IGBP1C: variants seen among roughly 807,000 people sequenced by gnomAD.
The protein encoded by IGBP1C is IGBP1 family member C.
the IGBP1C span, among the ~76,000 whole-genome samples, chr17:58,670,387 A>G: frequency 6.6e-6 from 1 of 152,092 alleles, no homozygotes; most frequent in Non-Finnish European, 1.5e-5. Flanking sequence ...TGTGATAGAA[A>G]AGGAGTGTGA....
At chr17:58,668,798 G>C in the IGBP1C span, among the ~76,000 whole-genome samples, 2 of 152,142 alleles carry the variant, frequency 1.3e-5, no homozygotes, top group Non-Finnish European at 2.9e-5. Flanking sequence ...CGAGGTAACT[G>C]GCCCAAGGGC....
At chr17:58,671,506 C>T in the IGBP1C span, among the ~76,000 whole-genome samples, 1 of 152,126 alleles carries the variant, frequency 6.6e-6, no homozygotes, top group African/African-American at 2.4e-5. Context: ...CTCCTGGGGT[C>T]GCAGCTTTAT....
chr17:58,666,515 C>T, the IGBP1C span: 8 of 117,616 alleles, frequency 6.8e-5, no homozygotes, highest in Non-Finnish European at 1.7e-5. Context: ...ACTAACAAAA[C>T]TTGCATTTCA....
At chr17:58,671,534 T>G in the IGBP1C span, among the ~76,000 whole-genome samples, 1 of 152,074 alleles carries the variant, frequency 6.6e-6, no homozygotes, top group African/African-American at 2.4e-5. Context: ...GGAGGGACTC[T>G]CTAGTCAGAC....
chr17:58,687,542 G>T, the IGBP1C span, among the ~76,000 whole-genome samples: 6 of 151,942 alleles, frequency 3.9e-5, no homozygotes, highest in Non-Finnish European at 8.8e-5. Flanking sequence ...CACCATGTTG[G>T]CCAGGCTGGT....
At chr17:58,666,131 A>G in the IGBP1C span, among the ~76,000 whole-genome samples, 1 of 152,022 alleles carries the variant, frequency 6.6e-6, no homozygotes, top group Non-Finnish European at 1.5e-5. Context: ...TCACTTGAGG[A>G]CAAGAGTTCG....
At chr17:58,686,860 CCTTTTT>C in the IGBP1C span, among the ~76,000 whole-genome samples, 1 of 136,778 alleles carries the variant, frequency 7.3e-6, no homozygotes, top group Non-Finnish European at 1.5e-5. Flanking sequence ...TGAAAGGTCA[CCTTTTT>C]TTTTTTTTTT....
the IGBP1C span, among the ~76,000 whole-genome samples, chr17:58,668,134 A>G: frequency 6.6e-6 from 1 of 152,058 alleles, no homozygotes; most frequent in African/African-American, 2.4e-5. Context: ...ATCCTGTTAG[A>G]TCAGTTTAGC....
chr17:58,689,832 G>C, the IGBP1C span, among the ~76,000 whole-genome samples: 1 of 151,590 alleles, frequency 6.6e-6, no homozygotes, highest in Non-Finnish European at 1.5e-5. Flanking sequence ...AATTATTATA[G>C]GCAAGGGCCA....
the IGBP1C span, among the ~76,000 whole-genome samples, chr17:58,690,228 G>A: frequency 2.0e-5 from 3 of 151,578 alleles, no homozygotes; most frequent in African/African-American, 4.9e-5. Flanking sequence ...GTGGAGTTAC[G>A]CAATCTCAGC....
the IGBP1C span, among the ~76,000 whole-genome samples, chr17:58,684,464 A>C: frequency 1.7e-4 from 25 of 147,456 alleles, no homozygotes; most frequent in South Asian, 2.1e-4. Flanking sequence ...CTCCGTCCCA[A>C]AAAAAAAAAA....
At chr17:58,685,188 C>T in the IGBP1C span, among the ~76,000 whole-genome samples, 2 of 150,998 alleles carry the variant, frequency 1.3e-5, no homozygotes, top group South Asian at 2.1e-4. Flanking sequence ...TTTTGAAGCA[C>T]GTTGGGAGGC....
At chr17:58,686,091 C>CTGTAATCCCAG in the IGBP1C span, among the ~76,000 whole-genome samples, 1 of 151,862 alleles carries the variant, frequency 6.6e-6, no homozygotes, top group African/African-American at 2.4e-5. Context: ...TGGCTCGCAC[C>CTGTAATCCCAG]TGTAATCCCA....
the IGBP1C span, among the ~76,000 whole-genome samples, chr17:58,671,027 A>C: frequency 6.6e-6 from 1 of 151,980 alleles, no homozygotes; most frequent in East Asian, 1.9e-4. Context: ...ACCTTCTGGA[A>C]CTCTCATTGC....
the IGBP1C span, among the ~76,000 whole-genome samples, chr17:58,688,284 T>A: frequency 6.6e-6 from 1 of 151,882 alleles, no homozygotes; most frequent in Non-Finnish European, 1.5e-5. Context: ...CCACCCCCAG[T>A]TAATTTTGTA....
chr17:58,690,407 G>A, the IGBP1C span, among the ~76,000 whole-genome samples: 1 of 152,084 alleles, frequency 6.6e-6, no homozygotes, highest in Non-Finnish European at 1.5e-5. Flanking sequence ...ATCAAGCGAT[G>A]TGCCCTCTTT....
At chr17:58,669,238 G>A in the IGBP1C span, among the ~76,000 whole-genome samples, 1 of 151,934 alleles carries the variant, frequency 6.6e-6, no homozygotes, top group Non-Finnish European at 1.5e-5. Flanking sequence ...TCTAATTCCA[G>A]CTACTCAGGA....
the IGBP1C span, among the ~76,000 whole-genome samples, chr17:58,690,384 T>G: frequency 6.6e-6 from 1 of 152,182 alleles, no homozygotes; most frequent in African/African-American, 2.4e-5. Context: ...CAGGCTGGTC[T>G]CAAACTCCTG....
the IGBP1C span, among the ~76,000 whole-genome samples, chr17:58,688,522 A>G: frequency 6.6e-6 from 1 of 152,244 alleles, no homozygotes; most frequent in African/African-American, 2.4e-5. Flanking sequence ...AGAATGCTGT[A>G]AAAACTGAGA....
Sources: allele counts gnomAD v4.1 joint callset (sites outside exome capture counted in the v4.1 genomes callset), GRCh38; gene constraint gnomAD v4.1.1; transcripts MANE v1.5; gene names NCBI Gene and HGNC (gene_info 2026-07-23, HGNC 2026-07-21).